The following TBC1D14 variants were observed in gnomAD, a reference collection of about 807,000 sequenced individuals.
The protein encoded by TBC1D14 is TBC1 domain family member 14.
In TBC1D14, 26 loss-of-function variants were observed where a neutral mutation model predicts 79.0. That is an observed-to-expected ratio of 0.33 (90% CI 0.24 to 0.46). The LOEUF (loss-of-function observed/expected upper bound fraction) is 0.46. Among genes scored for constraint, TBC1D14 ranks in the 20% least tolerant of loss-of-function variants. The pLI is 1.00. For synonymous variants in TBC1D14, 394 were observed against 349.9 expected (o/e 1.13, Z -1.40); for missense variants, 769 against 887.6 (o/e 0.87, Z 1.70).
In TBC1D14 at chr4:7,031,775, C is replaced by T. The variant is rs1015782205; in HGVS notation, c.*1383C>T. The T allele has an allele frequency of 6.6e-6, 1 of 152,426 alleles. No homozygotes were observed. Among genetic ancestry groups the T allele is most frequent in the African/African-American group, 2.4e-5 (1 of 41,460 alleles). The allele number at this position is 152,426 out of a possible 1,614,324, so 9.4% of individuals were successfully genotyped here. A position where few individuals can be genotyped will look rare whatever the true frequency, so the allele number is the denominator to read the frequency against. ...GGGTGCTCTGCACTCCACGGCCCTT[C>T]TCAGCCACACTTCCCACCCCAGGGG... On this transcript the variant is annotated 3_prime_UTR_variant, in exon 14 of 14. Transcript: ENST00000409757.
chr4:6,944,389 A>G (rs1713223514), intron 2 of TBC1D14, among the ~76,000 whole-genome samples: 1 of 152,186 alleles, frequency 6.6e-6, no homozygotes, highest in Non-Finnish European at 1.5e-5. Flanking sequence ...CGTTTTGATG[A>G]TGGAATTCCC....
At position 6,952,163 on chromosome 4, in the gene TBC1D14, G is replaced by A. The variant is rs184936765; in HGVS notation, c.723-15141G>A. 2.9e-3 allele frequency among the ~76,000 whole-genome samples: 447 copies of A among 152,292 alleles called. 3 individuals carry two copies. Among genetic ancestry groups the A allele is most frequent in the Non-Finnish European group, 2.9e-3 (197 of 68,024 alleles). On this transcript the variant is annotated intron_variant, in intron 2 of 13. Coordinates refer to ENST00000409757, the MANE Select transcript of TBC1D14 (RefSeq NM_020773.3). ...AGGAATCACCTTTCTAAGTGCATGC[G>A]GCCGTTCAGAACAGTGGTTCTCAGA...
chr4:7,027,857 C>A (rs1478445096), intron 13 of TBC1D14, among the ~76,000 whole-genome samples: 1 of 145,510 alleles, frequency 6.9e-6, no homozygotes, highest in African/African-American at 2.6e-5. Context: ...CACACACACA[C>A]AGATCACCCC....
In TBC1D14 at chr4:7,027,040, A is replaced by T. The variant is rs11944896; in HGVS notation, c.2016+1778A>T. 1.2e-3 allele frequency among the ~76,000 whole-genome samples: 188 copies of T among 152,146 alleles called. 2 individuals are homozygous for T. Among genetic ancestry groups the T allele is most frequent in the African/African-American group, 4.4e-3 (181 of 41,480 alleles). ...AGCCTGGCCAAGATGGTGAAAACCC[A>T]TCTCTACTAAAAATACAAAAATTAG... On this transcript the variant is annotated intron_variant, in intron 13 of 13. Coordinates refer to ENST00000409757, the MANE Select transcript of TBC1D14 (RefSeq NM_020773.3).
chr4:6,983,587 A>G (rs1717570525), intron 3 of TBC1D14, among the ~76,000 whole-genome samples: 1 of 152,152 alleles, frequency 6.6e-6, no homozygotes. Context: ...GTCTATCAGG[A>G]GATTATCCCA....
chr4:6,960,467 A>C (rs993126428), intron 2 of TBC1D14, among the ~76,000 whole-genome samples: 5 of 151,936 alleles, frequency 3.3e-5, no homozygotes, highest in Non-Finnish European at 7.4e-5. Flanking sequence ...TCTTCCAGAG[A>C]GTCTGTGGCT....
intron 1 of TBC1D14, among the ~76,000 whole-genome samples, chr4:6,922,404 G>A (rs1463362545): frequency 6.6e-6 from 1 of 152,096 alleles, no homozygotes; most frequent in African/African-American, 2.4e-5. Flanking sequence ...TCTAACCTAC[G>A]TGTGGTCTCC....
chr4:6,984,569 T>C (rs1054598207), intron 3 of TBC1D14, among the ~76,000 whole-genome samples: 4 of 152,200 alleles, frequency 2.6e-5, no homozygotes, highest in Non-Finnish European at 2.9e-5. Context: ...AAAATACTTA[T>C]CAAATACTCA....
At chr4:7,009,377 G>A (rs1045890725) in intron 9 of TBC1D14, among the ~76,000 whole-genome samples, 30 of 152,198 alleles carry the variant, frequency 2.0e-4, no homozygotes, top group African/African-American at 7.2e-4. Flanking sequence ...CAAAATGGTA[G>A]CCACCAGGAC....
At position 6,987,459 on chromosome 4, in the gene TBC1D14, G is replaced by A. The variant is rs960001199; in HGVS notation, c.844-6725G>A. On this transcript the variant is annotated intron_variant, in intron 3 of 13. Coordinates refer to ENST00000409757, the MANE Select transcript of TBC1D14 (RefSeq NM_020773.3). ...CCCTGCGGCCCCGCGCAGGTGGAGG[G>A]TGCGAGTGTGCATGTGTGCGGTTGT... 5 of 1,056,576 alleles carry A rather than the reference G, an allele frequency of 4.7e-6. No homozygotes were observed. The African/African-American group carries it at 8.3e-5, about 17-fold the overall frequency. 65.5% of individuals were successfully genotyped at this position (1,056,576 alleles called of 1,614,324 possible). A position where few individuals can be genotyped will look rare whatever the true frequency, so the allele number is the denominator to read the frequency against.
intron 3 of TBC1D14, among the ~76,000 whole-genome samples, chr4:6,976,200 A>T (rs1214584801): frequency 6.6e-6 from 1 of 152,216 alleles, no homozygotes; most frequent in African/African-American, 2.4e-5. Flanking sequence ...AAAAAGTATA[A>T]CACTGTCACT....
At chr4:7,005,011 T>C (rs992183054) in intron 8 of TBC1D14, 87 bp downstream of exon 8, 3 of 1,215,140 alleles carry the variant, frequency 2.5e-6, no homozygotes, top group Non-Finnish European at 2.4e-6. Context: ...TGACGTTAAC[T>C]ACAGTAGAGA....
At chr4:7,027,869 A>T (rs535233902) in intron 13 of TBC1D14, among the ~76,000 whole-genome samples, 1 of 127,442 alleles carries the variant, frequency 7.8e-6, no homozygotes, top group East Asian at 2.5e-4. Context: ...GATCACCCCC[A>T]TGCACACACA....
chr4:6,975,000 C>T lies in TBC1D14; in HGVS notation c.843+7576C>T, dbSNP rs911958270. On this transcript the variant is annotated intron_variant, in intron 3 of 13. Transcript: ENST00000409757. Reference sequence around the variant, plus strand: ...GATCTCAGCTCACTGCAACCTCTGCCACCCAGGTTCAAGTGATTCTCCTGC... The same window carrying T: ...GATCTCAGCTCACTGCAACCTCTGCTACCCAGGTTCAAGTGATTCTCCTGC... 1.3e-5 allele frequency among the ~76,000 whole-genome samples: 2 copies of T among 151,598 alleles called. 1 individual carries two copies. Among genetic ancestry groups the T allele is most frequent in the South Asian group, 4.2e-4 (2 of 4,808 alleles).
chr4:7,003,791 C>T (rs892401175), intron 7 of TBC1D14, among the ~76,000 whole-genome samples: 3 of 151,716 alleles, frequency 2.0e-5, no homozygotes, highest in Non-Finnish European at 2.9e-5. Flanking sequence ...CACCTGAGGT[C>T]AGGAGTTTGA....
chr4:6,947,789 A>G (rs935018006), intron 2 of TBC1D14, among the ~76,000 whole-genome samples: 3 of 152,162 alleles, frequency 2.0e-5, no homozygotes, highest in African/African-American at 7.2e-5. Flanking sequence ...CAGGGAGAAC[A>G]CTAGATCTTG....
intron 1 of TBC1D14, among the ~76,000 whole-genome samples, chr4:6,922,331 TATTG>T (rs1456615811): frequency 1.3e-5 from 2 of 152,224 alleles, no homozygotes; most frequent in African/African-American, 4.8e-5. Flanking sequence ...ACTCTTCCTT[TATTG>T]ATTATCTTCA....
At chr4:6,984,597 A>G (rs892909318) in intron 3 of TBC1D14, among the ~76,000 whole-genome samples, 5 of 152,216 alleles carry the variant, frequency 3.3e-5, no homozygotes, top group African/African-American at 7.2e-5. Context: ...GATGCAAGAC[A>G]GGAAAATCCT....
At chr4:6,968,258 C>CG (rs1419815063) in intron 3 of TBC1D14, among the ~76,000 whole-genome samples, 2 of 152,284 alleles carry the variant, frequency 1.3e-5, no homozygotes, top group East Asian at 3.9e-4. Flanking sequence ...ACACAGTACC[C>CG]GTGCCCAACA....
Sources: gnomAD v4.1 joint callset for allele counts (sites outside exome capture counted in the v4.1 genomes callset) on GRCh38, gnomAD v4.1.1 for gene constraint, MANE v1.5 for transcripts, NCBI Gene and HGNC (gene_info 2026-07-23, HGNC 2026-07-21) for gene names.